Variants in CLEC16A observed in about 807,000 individuals in gnomAD.
CLEC16A encodes C-type lectin domain containing 16A.
CLEC16A carries 51 observed loss-of-function variants against 109.5 expected under a neutral mutation model. The observed-to-expected ratio is 0.47, with a 90% CI of 0.37 to 0.59. CLEC16A has a LOEUF of 0.59. CLEC16A is among the 20% of genes least tolerant of loss of function. CLEC16A has a pLI of 0.00. For missense variants in CLEC16A, 1,339 were observed against 1,394.0 expected, an observed-to-expected ratio of 0.96 and a Z score of 0.63; for synonymous variants, 673 against 564.2, an observed-to-expected ratio of 1.19 and a Z score of -2.73.
chr16:10,972,095 TCAGACATGTTTTAA>T (rs1250739927), intron 5 of CLEC16A, among the ~76,000 whole-genome samples: 2 of 152,218 alleles, frequency 1.3e-5, no homozygotes, highest in Admixed American at 6.5e-5. Flanking sequence ...TATCCAGCCA[TCAGACATGTTTTAA>T]CTGGCTTAGT....
At chr16:11,002,283 G>A (rs1396244262) in intron 10 of CLEC16A, among the ~76,000 whole-genome samples, 1 of 152,360 alleles carries the variant, frequency 6.6e-6, no homozygotes, top group African/African-American at 2.4e-5. Flanking sequence ...AAGTACCACA[G>A]AAGTGTTCAT....
chr16:11,109,419 A>G (rs2051432045), intron 19 of CLEC16A, among the ~76,000 whole-genome samples: 1 of 152,114 alleles, frequency 6.6e-6, no homozygotes, highest in Non-Finnish European at 1.5e-5. Context: ...CTCCCAAAGT[A>G]ATGGGATTAC....
intron 22 of CLEC16A, among the ~76,000 whole-genome samples, chr16:11,160,017 T>A (rs1047804922): frequency 6.6e-6 from 1 of 152,154 alleles, no homozygotes; most frequent in African/African-American, 2.4e-5. Context: ...ATCCCCAAAT[T>A]GAATTCAGAG....
intron 22 of CLEC16A, among the ~76,000 whole-genome samples, chr16:11,146,684 G>C (rs999899961): frequency 1.4e-5 from 2 of 147,378 alleles, no homozygotes; most frequent in Non-Finnish European, 3.0e-5. Flanking sequence ...TGGACTGGCA[G>C]ATGGGTAAAT....
chr16:11,139,791 T>C (rs1470151380), intron 22 of CLEC16A, among the ~76,000 whole-genome samples: 1 of 152,224 alleles, frequency 6.6e-6, no homozygotes, highest in Non-Finnish European at 1.5e-5. Flanking sequence ...AAATATTTGC[T>C]AGCTGGTAAA....
At chr16:11,074,508 A>G (rs989365231) in intron 19 of CLEC16A, among the ~76,000 whole-genome samples, 5 of 152,190 alleles carry the variant, frequency 3.3e-5, no homozygotes, top group Non-Finnish European at 7.4e-5. Context: ...AGGGTGATGT[A>G]GCTGTTTCCT....
intron 19 of CLEC16A, among the ~76,000 whole-genome samples, chr16:11,117,543 C>A (rs1385171668): frequency 6.6e-6 from 1 of 152,078 alleles, no homozygotes; most frequent in Non-Finnish European, 1.5e-5. Flanking sequence ...TGATTTTTAA[C>A]TTGGGCTTAT....
At position 10,961,968 on chromosome 16, in the gene CLEC16A, C is replaced by CTTT. The variant is rs5815604; in HGVS notation, c.210-475_210-473dup. Among the ~76,000 whole-genome samples, 5 of 135,336 alleles carry CTTT rather than the reference C, an allele frequency of 3.7e-5. No homozygotes were observed. The highest frequency in any genetic ancestry group is 2.3e-4 in the South Asian group (1 of 4,274). The allele number at this position is 135,336 out of a possible 152,430, so 88.8% of individuals were successfully genotyped here. ...TTGGGAACTTTTTTTTCTTTTTTTT[C>CTTT]TTTTTTTTTTTTTTGGCTCTGTCAC... is the stretch of plus-strand genomic sequence containing the variant. On this transcript the variant is annotated intron_variant, in intron 2 of 23. Coordinates refer to ENST00000409790, the MANE Select transcript of CLEC16A (RefSeq NM_015226.3). This position sits in a 1 kb window ranked among gnomAD's most constrained non-coding sequence, Gnocchi z 4.3.
intron 10 of CLEC16A, among the ~76,000 whole-genome samples, chr16:10,996,987 G>A (rs2044366612): frequency 6.6e-6 from 1 of 152,174 alleles, no homozygotes; most frequent in Non-Finnish European, 1.5e-5. Flanking sequence ...TTTGAGACAC[G>A]GTCTTGCTGT....
chr16:11,051,496 T>C lies in CLEC16A; in HGVS notation c.1867-17T>C. ...GTAAGGAATCTGCTTTGAGGTTTCC[T>C]GTAATGTCTCTTCTAGATGAAGCCC... On this transcript the variant is annotated splice_polypyrimidine_tract_variant and intron_variant, in intron 17 of 23. Transcript: ENST00000409790. 6.2e-7 allele frequency: 1 copy of C among 1,608,040 alleles called. No individual in the cohort carries two copies. The highest frequency in any genetic ancestry group is 8.5e-7 in the Non-Finnish European group (1 of 1,174,826).
At position 11,166,482 on chromosome 16, in the gene CLEC16A, G is replaced by A. The variant is rs1275631692; in HGVS notation, c.2736G>A (p.Gly912=). The change falls in exon 23 of 24, where the codon GGG becomes GGA. Residue 912 remains glycine (G), a synonymous_variant. Transcript: ENST00000409790. ...PSASGSPSGS[G]STSHCDSGGT... ...CCAGCGGGAGCCCCAGCGGCAGCGG[G>A]AGCACCAGCCACTGCGACTCTGGAG... 3 of 1,608,756 alleles carry A rather than the reference G, an allele frequency of 1.9e-6. No individual in the cohort carries two copies. The highest frequency in any genetic ancestry group is 2.2e-5 in the South Asian group (2 of 90,994).
At chr16:10,964,857 A>G (rs1027426559) in intron 3 of CLEC16A, among the ~76,000 whole-genome samples, 3 of 152,122 alleles carry the variant, frequency 2.0e-5, no homozygotes, top group East Asian at 1.9e-4. Context: ...CCATCACCTC[A>G]CTTTTGTGCG....
At chr16:11,057,501 T>C (rs1403124328) in intron 18 of CLEC16A, among the ~76,000 whole-genome samples, 4 of 152,202 alleles carry the variant, frequency 2.6e-5, no homozygotes, top group Admixed American at 2.6e-4. Context: ...CCCCTGCTCA[T>C]TGGACTGATT....
chr16:11,062,167 T>G lies in CLEC16A; in HGVS notation c.2116+1145T>G, dbSNP rs143307284. On this transcript the variant is annotated intron_variant, in intron 19 of 23. Coordinates refer to ENST00000409790, the MANE Select transcript of CLEC16A (RefSeq NM_015226.3). Reference sequence around the variant, plus strand: ...GGAGGGAGGGAGGGCCAGTTCCTTTTGAACCCCATCACCTGAGAGAGGGAA... The same window carrying G: ...GGAGGGAGGGAGGGCCAGTTCCTTTGGAACCCCATCACCTGAGAGAGGGAA... Among the ~76,000 whole-genome samples, 601 of 152,114 alleles carry G rather than the reference T, an allele frequency of 4.0e-3. 5 individuals carry two copies. The highest frequency in any genetic ancestry group is 0.014 in the African/African-American group (570 of 41,484).
chr16:11,118,064 T>C, intron 19 of CLEC16A, among the ~76,000 whole-genome samples: 1 of 152,082 alleles, frequency 6.6e-6, no homozygotes, highest in East Asian at 1.9e-4. Flanking sequence ...AGCCTCTACC[T>C]CCTGGGCTCA....
At chr16:11,026,787 C>A (rs1176536765) in intron 13 of CLEC16A, among the ~76,000 whole-genome samples, 3 of 151,748 alleles carry the variant, frequency 2.0e-5, no homozygotes, top group African/African-American at 2.4e-5. Flanking sequence ...CTGTAACTTA[C>A]AAGAAAAGGG....
chr16:11,042,479 C>G, intron 15 of CLEC16A, 116 bp downstream of exon 15: 2 of 728,212 alleles, frequency 2.7e-6, no homozygotes, highest in Non-Finnish European at 4.5e-6. Context: ...CGGTCACCAG[C>G]TAGAAGCAGC....
intron 22 of CLEC16A, among the ~76,000 whole-genome samples, chr16:11,147,452 G>A (rs794421): frequency 1.2e-4 from 18 of 152,334 alleles, no homozygotes; most frequent in African/African-American, 4.3e-4. Context: ...CAAGAGAATG[G>A]CCGACAGAAC....
intron 22 of CLEC16A, among the ~76,000 whole-genome samples, chr16:11,146,119 T>G (rs893289882): frequency 1.3e-5 from 2 of 152,312 alleles, no homozygotes; most frequent in East Asian, 3.9e-4. Flanking sequence ...TTCCTTCAGA[T>G]CATTCTTCAG....
Sources: gnomAD v4.1 joint callset for allele counts (sites outside exome capture counted in the v4.1 genomes callset) on GRCh38, gnomAD v4.1.1 for gene constraint, Gnocchi (gnomAD v3.1) non-coding constraint, MANE v1.5 for transcripts, NCBI Gene and HGNC (gene_info 2026-07-23, HGNC 2026-07-21) for gene names.